WDFY4: variants seen among roughly 807,000 people sequenced by gnomAD.
The protein encoded by WDFY4 is WD repeat- and FYVE domain-containing protein 4.
WDFY4 carries 169 observed loss-of-function variants against 351.9 expected under a neutral mutation model. That is an observed-to-expected ratio of 0.48 (90% CI 0.42 to 0.55). The LOEUF is 0.55. Among genes scored for constraint, WDFY4 ranks in the 20% least tolerant of loss-of-function variants. WDFY4 has a pLI of 0.00. For synonymous variants in WDFY4, 1,622 were observed against 1,574.6 expected, an observed-to-expected ratio of 1.03 and a Z score of -0.71; for missense variants, 3,803 against 3,935.6, an observed-to-expected ratio of 0.97 and a Z score of 0.90.
At chr10:48,904,575 T>C (rs570790089) in intron 47 of WDFY4, among the ~76,000 whole-genome samples, 140 of 152,254 alleles carry the variant, frequency 9.2e-4, no homozygotes, top group African/African-American at 2.9e-3. Flanking sequence ...GGGAGGATTT[T>C]ACTTGGCCTG....
At chr10:48,710,169 C>T (rs1227657410) in intron 2 of WDFY4, among the ~76,000 whole-genome samples, 1 of 152,176 alleles carries the variant, frequency 6.6e-6, no homozygotes, top group African/African-American at 2.4e-5. Flanking sequence ...ACTTATTTCT[C>T]ATAGTTTGGA....
chr10:48,771,759 G>A (rs921167935), intron 13 of WDFY4, among the ~76,000 whole-genome samples: 2 of 152,218 alleles, frequency 1.3e-5, no homozygotes, highest in African/African-American at 4.8e-5. Flanking sequence ...TCCCTTGAAA[G>A]CAGGGACAGT....
At chr10:48,913,604 C>A (rs749657019) in intron 47 of WDFY4, 5 of 1,614,132 alleles carry the variant, frequency 3.1e-6, no homozygotes, top group Non-Finnish European at 4.2e-6. Context: ...ATATTTCCGA[C>A]TCACCTGGCT....
chr10:48,762,245 T>C (rs571096087), intron 13 of WDFY4, among the ~76,000 whole-genome samples: 2 of 152,288 alleles, frequency 1.3e-5, no homozygotes, highest in East Asian at 3.9e-4. Context: ...GAGCAGAAGC[T>C]CTGGGACAGC....
intron 38 of WDFY4, among the ~76,000 whole-genome samples, chr10:48,832,364 A>G (rs1336063770): frequency 1.3e-5 from 2 of 152,260 alleles, no homozygotes; most frequent in Non-Finnish European, 2.9e-5. Flanking sequence ...AGTTTAGGCT[A>G]AGTCTGGTGA....
rs576772222 is a variant in WDFY4 at position 48,732,767 on chromosome 10, C to T, written c.1583-1164C>T. 1.5e-4 allele frequency among the ~76,000 whole-genome samples: 23 copies of T among 152,348 alleles called. No individual in the cohort carries two copies. In the South Asian group the frequency reaches 3.5e-3, roughly 23 times the overall value. ...TAACAGGGGCTCAAGAAACATCAGT[C>T]GCCTTGTCCCTATAGTTCCAGTGCT... On this transcript the variant is annotated intron_variant, in intron 9 of 61. Coordinates refer to ENST00000325239, the MANE Select transcript of WDFY4 (RefSeq NM_001394531.1).
intron 51 of WDFY4, among the ~76,000 whole-genome samples, chr10:48,952,043 G>A (rs1841349673): frequency 6.6e-6 from 1 of 152,260 alleles, no homozygotes; most frequent in South Asian, 2.1e-4. Flanking sequence ...GTACAAGACA[G>A]ATGCTAACTG....
intron 39 of WDFY4, among the ~76,000 whole-genome samples, chr10:48,839,312 AG>A (rs1243549133): frequency 6.6e-6 from 1 of 152,262 alleles, no homozygotes; most frequent in East Asian, 1.9e-4. Flanking sequence ...GATCTTTAAA[AG>A]GTTGCATGAC....
chr10:48,769,448 C>G (rs1395531912), intron 13 of WDFY4, among the ~76,000 whole-genome samples: 1 of 152,150 alleles, frequency 6.6e-6, no homozygotes, highest in East Asian at 1.9e-4. Context: ...TGATAAAGAG[C>G]TTAAGTCACT....
intron 53 of WDFY4, among the ~76,000 whole-genome samples, chr10:48,963,375 A>C (rs1387371291): frequency 6.6e-6 from 1 of 152,220 alleles, no homozygotes; most frequent in Admixed American, 6.5e-5. Context: ...GAATGTGTAC[A>C]TGGCAGCACC....
intron 27 of WDFY4, among the ~76,000 whole-genome samples, chr10:48,807,289 T>C (rs1440916671): frequency 1.3e-5 from 2 of 152,234 alleles, no homozygotes; most frequent in Non-Finnish European, 2.9e-5. Context: ...TCTGAAACTT[T>C]TACCTAACCA....
intron 2 of WDFY4, among the ~76,000 whole-genome samples, chr10:48,718,671 A>G (rs1487421666): frequency 1.3e-5 from 2 of 152,136 alleles, no homozygotes; most frequent in Non-Finnish European, 2.9e-5. Context: ...CAGTCCCTCC[A>G]CTCTGGCCAT....
intron 9 of WDFY4, among the ~76,000 whole-genome samples, chr10:48,733,688 G>A (rs926175867): frequency 6.6e-6 from 1 of 152,160 alleles, no homozygotes; most frequent in African/African-American, 2.4e-5. Flanking sequence ...CTGGGGATGG[G>A]ACCCAGCATG....
At chr10:48,938,117 G>C (rs1174079410) in intron 47 of WDFY4, among the ~76,000 whole-genome samples, 1 of 152,190 alleles carries the variant, frequency 6.6e-6, no homozygotes, top group African/African-American at 2.4e-5. Context: ...TATGCCTAGT[G>C]CTTCTTAACT....
At chr10:48,865,105 A>G (rs1439729577) in intron 39 of WDFY4, among the ~76,000 whole-genome samples, 1 of 152,020 alleles carries the variant, frequency 6.6e-6, no homozygotes, top group Admixed American at 6.6e-5. Context: ...TGCTGTCTAG[A>G]AGTGTTGAAA....
chr10:48,718,376 G>T (rs1019788477), intron 2 of WDFY4, among the ~76,000 whole-genome samples: 1 of 152,174 alleles, frequency 6.6e-6, no homozygotes, highest in African/African-American at 2.4e-5. Context: ...GTTTTAACAA[G>T]CATAATGCTA....
rs182221106 is a variant in WDFY4 at position 48,873,815 on chromosome 10, A to G, written c.6948+118A>G. On this transcript the variant is annotated intron_variant, in intron 41 of 61. Transcript: ENST00000325239. ...CAGGCTAAGATAACACATGCAGTTA[A>G]ATGTAGGAGAGTCCCAAAATTTATT... 757 of 1,191,110 alleles carry G rather than the reference A, an allele frequency of 6.4e-4. 1 individual carries two copies. In the African/African-American group the frequency reaches 9.9e-3, roughly 16 times the overall value. 73.8% of individuals were successfully genotyped at this position (1,191,110 alleles called of 1,614,324 possible).
chr10:48,787,359 G>A (rs1239064753), intron 20 of WDFY4, among the ~76,000 whole-genome samples: 1 of 152,254 alleles, frequency 6.6e-6, no homozygotes, highest in Non-Finnish European at 1.5e-5. Flanking sequence ...TGTATGTGCT[G>A]AAGGGCGATT....
intron 13 of WDFY4, among the ~76,000 whole-genome samples, chr10:48,768,485 T>C (rs879031696): frequency 5.3e-5 from 8 of 152,160 alleles, no homozygotes; most frequent in Admixed American, 1.3e-4. Context: ...CGAAAGCCCA[T>C]TTTCCTCACC....
Sources: allele counts gnomAD v4.1 joint callset (sites outside exome capture counted in the v4.1 genomes callset), GRCh38; gene constraint gnomAD v4.1.1; transcripts MANE v1.5; gene names NCBI Gene and HGNC (gene_info 2026-07-23, HGNC 2026-07-21).